Variants in SEMA5A observed in about 807,000 individuals in gnomAD.
The protein encoded by SEMA5A is semaphorin 5A.
A neutral mutation model predicts 135.5 loss-of-function variants in SEMA5A; 55 were observed. That is an observed-to-expected ratio of 0.41 (90% CI 0.33 to 0.51). The LOEUF is 0.51. Among genes scored for constraint, SEMA5A ranks in the 20% least tolerant of loss-of-function variants. The probability of loss-of-function intolerance (pLI) is 0.37; values close to 1 mark genes in which losing one functional copy is unlikely to be tolerated. For synonymous variants in SEMA5A, 580 were observed against 546.5 expected, an observed-to-expected ratio of 1.06 and a Z score of -0.85; for missense variants, 1,290 against 1,419.9, an observed-to-expected ratio of 0.91 and a Z score of 1.47.
intron 1 of SEMA5A, among the ~76,000 whole-genome samples, chr5:9,457,713 T>G (rs577559341): frequency 6.6e-6 from 1 of 152,198 alleles, no homozygotes; most frequent in Non-Finnish European, 1.5e-5. Flanking sequence ...ATTTTACAAC[T>G]GTAAGGATTC....
At chr5:9,045,867 G>T (rs1054772212) in intron 21 of SEMA5A, 1 of 152,144 alleles carries the variant, frequency 6.6e-6, no homozygotes, top group African/African-American at 2.4e-5. Context: ...AATAGGATTG[G>T]CTCAAGTGAT....
At chr5:9,489,441 T>C (rs980732849) in intron 1 of SEMA5A, among the ~76,000 whole-genome samples, 12 of 151,972 alleles carry the variant, frequency 7.9e-5, no homozygotes, top group African/African-American at 2.7e-4. Flanking sequence ...TGGCTAGAAA[T>C]GTAAGGTGGG....
intron 9 of SEMA5A, 137 bp downstream of exon 9, chr5:9,201,818 T>TC: frequency 1.3e-6 from 1 of 791,362 alleles, no homozygotes; most frequent in Non-Finnish European, 2.0e-6. Context: ...TGAAAAGTCC[T>TC]CTTTTTTTGT....
chr5:9,162,589 C>CATATATACATATATAT (rs1453805492), intron 11 of SEMA5A, among the ~76,000 whole-genome samples: 5 of 100,098 alleles, frequency 5.0e-5, no homozygotes, highest in African/African-American at 1.8e-4. Flanking sequence ...TATATATACA[C>CATATATACATATATAT]ACACACACAC....
At chr5:9,532,440 C>CTTTTTTT (rs4045370) in intron 1 of SEMA5A, among the ~76,000 whole-genome samples, 57 of 125,090 alleles carry the variant, frequency 4.6e-4, no homozygotes, top group African/African-American at 8.6e-4. Flanking sequence ...TAATTTTTTT[C>CTTTTTTT]TTTTTTTTTT....
chr5:9,163,551 A>C (rs77385289), intron 11 of SEMA5A, among the ~76,000 whole-genome samples: 17,820 of 152,060 alleles, frequency 0.12, 1,757 homozygotes, highest in African/African-American at 0.25. Flanking sequence ...ATGTAACAAT[A>C]TCTCATTTGT....
At chr5:9,139,785 T>A (rs748928229) in intron 12 of SEMA5A, among the ~76,000 whole-genome samples, 2 of 152,206 alleles carry the variant, frequency 1.3e-5, no homozygotes, top group Non-Finnish European at 2.9e-5. Flanking sequence ...TGTTCCATGT[T>A]AAGATCTTTC....
At chr5:9,434,335 T>C (rs762131602) in intron 2 of SEMA5A, among the ~76,000 whole-genome samples, 15 of 152,216 alleles carry the variant, frequency 9.9e-5, no homozygotes, top group South Asian at 4.1e-4. Flanking sequence ...TTAAATGTCG[T>C]CTGTGATTGT....
rs181390409 is a variant in SEMA5A, at chr5:9,215,383, C to T, written c.646+9291G>A. Reference sequence around the variant, plus strand: ...CCAAAAAAATATGTTGAAGTCCCAACCCCCAATTTTCATGAATGTGACCTT... The same window carrying T: ...CCAAAAAAATATGTTGAAGTCCCAATCCCCAATTTTCATGAATGTGACCTT... On this transcript the variant is annotated intron_variant, in intron 8 of 22. Coordinates refer to ENST00000382496, the MANE Select transcript of SEMA5A (RefSeq NM_003966.3). Among the ~76,000 whole-genome samples, 992 of 143,894 alleles carry T rather than the reference C, an allele frequency of 6.9e-3. 3 individuals are homozygous for T. Among genetic ancestry groups the T allele is most frequent in the African/African-American group, 0.028 (955 of 33,788 alleles). The allele number at this position is 143,894 out of a possible 152,430, so 94.4% of individuals were successfully genotyped here. A position where few individuals can be genotyped will look rare whatever the true frequency, so the allele number is the denominator to read the frequency against.
At chr5:9,252,301 G>T (rs761360729) in intron 5 of SEMA5A, among the ~76,000 whole-genome samples, 2 of 152,110 alleles carry the variant, frequency 1.3e-5, no homozygotes, top group Admixed American at 6.6e-5. Context: ...TCATCGATTC[G>T]AAAGCTTCCC....
chr5:9,340,675 T>C (rs1028558605), intron 3 of SEMA5A, among the ~76,000 whole-genome samples: 58 of 152,332 alleles, frequency 3.8e-4, no homozygotes, highest in African/African-American at 1.2e-3. Context: ...GAAATTCTAA[T>C]GAACTTTCCC....
intron 2 of SEMA5A, among the ~76,000 whole-genome samples, chr5:9,414,647 C>G (rs184830012): frequency 4.7e-4 from 71 of 152,312 alleles, no homozygotes; most frequent in African/African-American, 1.7e-3. Context: ...TTAGCAGAAC[C>G]TACCAGATCT....
intron 2 of SEMA5A, among the ~76,000 whole-genome samples, chr5:9,419,594 G>C (rs1356481153): frequency 2.0e-5 from 3 of 152,158 alleles, no homozygotes; most frequent in Non-Finnish European, 4.4e-5. Flanking sequence ...AACCTCTTCT[G>C]ATTGTGTGCA....
chr5:9,187,706 G>C (rs1013117494), intron 11 of SEMA5A, among the ~76,000 whole-genome samples: 2 of 152,194 alleles, frequency 1.3e-5, no homozygotes, highest in African/African-American at 4.8e-5. Context: ...ACAGGCAGTA[G>C]ATCAAAAGAA....
rs1343591320 is a variant in SEMA5A, at chr5:9,040,008, C to G, written c.*2889G>C. On this transcript the variant is annotated 3_prime_UTR_variant, in exon 23 of 23. Transcript: ENST00000382496. Reference sequence around the variant, plus strand: ...GTAAGACTAAAGCCAAGCCAGCTTCCTCATGAAAACCAGCCTATCTCCAAC... The same window carrying G: ...GTAAGACTAAAGCCAAGCCAGCTTCGTCATGAAAACCAGCCTATCTCCAAC... The G allele has an allele frequency of 6.6e-6, 1 of 152,154 alleles. No homozygotes were observed. Among genetic ancestry groups the G allele is most frequent in the African/African-American group, 2.4e-5 (1 of 41,406 alleles). 9.4% of individuals were successfully genotyped at this position (152,154 alleles called of 1,614,324 possible).
chr5:9,438,571 A>G (rs909466807), intron 1 of SEMA5A, among the ~76,000 whole-genome samples: 3 of 152,222 alleles, frequency 2.0e-5, no homozygotes, highest in African/African-American at 7.2e-5. Context: ...CTTTCCATCT[A>G]TGATCCATAT....
intron 1 of SEMA5A, among the ~76,000 whole-genome samples, chr5:9,534,224 C>T (rs575347472): frequency 6.6e-6 from 1 of 152,274 alleles, no homozygotes; most frequent in Admixed American, 6.5e-5. Flanking sequence ...TCACTAATTG[C>T]GCCCTTTGTC....
intron 2 of SEMA5A, among the ~76,000 whole-genome samples, chr5:9,413,424 G>A (rs936350072): frequency 2.0e-5 from 3 of 152,192 alleles, no homozygotes; most frequent in African/African-American, 7.2e-5. Context: ...AGGCTTCAAT[G>A]GCATGTACAG....
At chr5:9,145,974 T>C (rs1248960116) in intron 12 of SEMA5A, among the ~76,000 whole-genome samples, 1 of 152,118 alleles carries the variant, frequency 6.6e-6, no homozygotes, top group Non-Finnish European at 1.5e-5. Context: ...TCTGATATCC[T>C]TTAGTTGTGT....
Sources: allele counts gnomAD v4.1 joint callset (sites outside exome capture counted in the v4.1 genomes callset), GRCh38; gene constraint gnomAD v4.1.1; transcripts MANE v1.5; gene names NCBI Gene and HGNC (gene_info 2026-07-23, HGNC 2026-07-21).